The following PLD1 variants were observed in gnomAD, a reference collection of about 807,000 sequenced individuals.
The protein encoded by PLD1 is choline phosphatase 1.
PLD1 carries 112 observed loss-of-function variants against 137.1 expected under a neutral mutation model. The observed-to-expected ratio is 0.82, with a 90% confidence interval of 0.70 to 0.96. The LOEUF (loss-of-function observed/expected upper bound fraction) is 0.96. Ranked by LOEUF, PLD1 falls within the 40% of genes least tolerant of loss-of-function variation. PLD1 has a pLI of 0.00. For synonymous variants in PLD1, 431 were observed against 454.7 expected (o/e 0.95, Z 0.66); for missense variants, 1,321 against 1,342.0 (o/e 0.98, Z 0.24).
At chr3:171,692,765 C>T (rs1384697909) in intron 12 of PLD1, among the ~76,000 whole-genome samples, 1 of 152,138 alleles carries the variant, frequency 6.6e-6, no homozygotes, top group East Asian at 1.9e-4. Flanking sequence ...AAGTGATCCA[C>T]CCGCCTCAGC....
At chr3:171,747,082 C>T (rs1720273570) in intron 1 of PLD1, among the ~76,000 whole-genome samples, 1 of 152,062 alleles carries the variant, frequency 6.6e-6, no homozygotes, top group Non-Finnish European at 1.5e-5. Flanking sequence ...ACTCAAGGAG[C>T]AGGTCTGCAG....
intron 1 of PLD1, among the ~76,000 whole-genome samples, chr3:171,747,349 C>T (rs1720304039): frequency 6.6e-6 from 1 of 152,158 alleles, no homozygotes; most frequent in Non-Finnish European, 1.5e-5. Flanking sequence ...CACACTGATA[C>T]AAAACAGTCG....
chr3:171,625,882 TA>T (rs1377991099), intron 23 of PLD1, among the ~76,000 whole-genome samples: 4 of 151,864 alleles, frequency 2.6e-5, no homozygotes, highest in Non-Finnish European at 4.4e-5. Context: ...CAAAAGTACA[TA>T]AAACCACAAA....
intron 1 of PLD1, among the ~76,000 whole-genome samples, chr3:171,785,888 C>T (rs1722994780): frequency 6.6e-6 from 1 of 152,236 alleles, no homozygotes; most frequent in Non-Finnish European, 1.5e-5. Context: ...CAGCCCTGTA[C>T]TCTCTACAGT....
chr3:171,686,615 T>A (rs1299613497), intron 16 of PLD1, 70 bp downstream of exon 16: 4 of 785,996 alleles, frequency 5.1e-6, no homozygotes, highest in South Asian at 1.7e-5. Flanking sequence ...ACATTCACTA[T>A]GCCCATGCAG....
intron 16 of PLD1, 96 bp from the exon 17 acceptor site, chr3:171,677,790 T>A: frequency 8.1e-7 from 1 of 1,231,250 alleles, no homozygotes; most frequent in Non-Finnish European, 1.1e-6. Context: ...AAAAGCTTCT[T>A]AATTTCTTAA....
rs1711552752 is a variant in PLD1 at position 171,662,056 on chromosome 3, T to A, written c.2340+4A>T. 6.5e-7 allele frequency: 1 copy of A among 1,544,842 alleles called. No homozygotes were observed. The highest frequency in any genetic ancestry group is 1.7e-5 in the Admixed American group (1 of 59,400). Reference sequence around the variant, plus strand: ...TCACACGAATTTACATGAGCAAGACTTACTTCGATATAGATATAGTGCCTG... The same window carrying A: ...TCACACGAATTTACATGAGCAAGACATACTTCGATATAGATATAGTGCCTG... On this transcript the variant is annotated splice_donor_region_variant and intron_variant, in intron 20 of 26. Coordinates refer to ENST00000351298, the MANE Select transcript of PLD1 (RefSeq NM_002662.5).
chr3:171,776,508 C>T (rs1021398799), intron 1 of PLD1, among the ~76,000 whole-genome samples: 1 of 152,224 alleles, frequency 6.6e-6, no homozygotes, highest in African/African-American at 2.4e-5. Flanking sequence ...CTAACCAAGA[C>T]AGAAGACTTT....
At chr3:171,807,583 T>A (rs917134210) in intron 1 of PLD1, among the ~76,000 whole-genome samples, 19 of 152,164 alleles carry the variant, frequency 1.2e-4, no homozygotes, top group Admixed American at 2.0e-4. Flanking sequence ...AAAAATTTTT[T>A]AAAAAAACAT....
chr3:171,779,861 T>C (rs1722724730), intron 1 of PLD1, among the ~76,000 whole-genome samples: 1 of 151,972 alleles, frequency 6.6e-6, no homozygotes, highest in South Asian at 2.1e-4. Flanking sequence ...GGAGTTTGGA[T>C]ACATAAGTCT....
intron 1 of PLD1, among the ~76,000 whole-genome samples, chr3:171,799,746 T>C (rs971296370): frequency 2.6e-5 from 4 of 152,198 alleles, no homozygotes; most frequent in African/African-American, 9.7e-5. Flanking sequence ...TGATAGTATG[T>C]ACCCTTGATA....
chr3:171,709,626 G>A lies in PLD1; in HGVS notation c.995C>T (p.Thr332Ile), dbSNP rs569380683. 1 of 1,613,940 alleles carries A rather than the reference G, an allele frequency of 6.2e-7. No individual in the cohort carries two copies. The highest frequency in any genetic ancestry group is 1.1e-5 in the South Asian group (1 of 91,080). ...AAATCGATGATCTTTGAGAAAGTTGGTGCCATGTTTCTGGATGAATTCTTC... is the reference window on the plus strand; with the variant it reads ...AAATCGATGATCTTTGAGAAAGTTGATGCCATGTTTCTGGATGAATTCTTC... ...AIEEFIQKHG[T>I]NFLKDHRFGS... Residue 332 changes from threonine to isoleucine, a missense_variant, in exon 10 of 27, where the codon ACC becomes ATC. Transcript: ENST00000351298.
intron 1 of PLD1, among the ~76,000 whole-genome samples, chr3:171,773,795 C>A (rs530920692): frequency 6.6e-6 from 1 of 151,954 alleles, no homozygotes; most frequent in East Asian, 2.0e-4. Context: ...GTCACCCAGG[C>A]GGGACTGCAG....
chr3:171,795,294 G>A (rs1426108049), intron 1 of PLD1, among the ~76,000 whole-genome samples: 2 of 152,192 alleles, frequency 1.3e-5, no homozygotes, highest in African/African-American at 2.4e-5. Context: ...ATCCAGAAGT[G>A]GGGCCGCCTT....
At chr3:171,608,593 CAG>C (rs1261532916) in intron 25 of PLD1, among the ~76,000 whole-genome samples, 1 of 152,084 alleles carries the variant, frequency 6.6e-6, no homozygotes, top group African/African-American at 2.4e-5. Flanking sequence ...TATGGCATAA[CAG>C]AGAGACTAGC....
At chr3:171,648,806 G>A (rs1006989792) in intron 21 of PLD1, among the ~76,000 whole-genome samples, 5 of 152,036 alleles carry the variant, frequency 3.3e-5, no homozygotes, top group East Asian at 1.9e-4. Flanking sequence ...CACCCGCCTC[G>A]GCCTCCCAAA....
Position 171,613,771 on chromosome 3 carries a change from C to T in PLD1, c.2729-1339G>A, listed in dbSNP as rs556190626. On this transcript the variant is annotated intron_variant, in intron 24 of 26. Coordinates refer to ENST00000351298, the MANE Select transcript of PLD1 (RefSeq NM_002662.5). ...GGCAAATATTTTGCTATTAGTTCAA[C>T]CTGTGCTTTCTGCAGTCCTCTGCTG... Among the ~76,000 whole-genome samples, 28 of 152,150 alleles carry T rather than the reference C, an allele frequency of 1.8e-4. 1 individual carries two copies. In the South Asian group the frequency reaches 4.2e-3, roughly 23 times the overall value.
At chr3:171,650,859 A>G (rs1301465103) in intron 21 of PLD1, among the ~76,000 whole-genome samples, 3 of 152,080 alleles carry the variant, frequency 2.0e-5, no homozygotes, top group African/African-American at 7.2e-5. Flanking sequence ...AAATCGCGGC[A>G]CTGCACTCCA....
Position 171,600,435 on chromosome 3 carries a change from A to G in PLD1, c.*2643T>C, listed in dbSNP as rs937651825. On this transcript the variant is annotated 3_prime_UTR_variant, in exon 27 of 27. Coordinates refer to ENST00000351298, the MANE Select transcript of PLD1 (RefSeq NM_002662.5). ...ATATAGCATTTATAGGCATTTCAAA[A>G]TAGTCACTTTGAAATGTTGAGCAGA... The G allele has an allele frequency of 4.6e-5, 7 of 152,216 alleles. No individual in the cohort carries two copies. Among genetic ancestry groups the G allele is most frequent in the Non-Finnish European group, 1.0e-4 (7 of 68,032 alleles). The allele number at this position is 152,216 out of a possible 1,614,324, so 9.4% of individuals were successfully genotyped here.
Sources: gnomAD v4.1 joint callset for allele counts (sites outside exome capture counted in the v4.1 genomes callset) on GRCh38, gnomAD v4.1.1 for gene constraint, MANE v1.5 for transcripts, NCBI Gene and HGNC (gene_info 2026-07-23, HGNC 2026-07-21) for gene names.